TMOD3: variants seen among roughly 807,000 people sequenced by gnomAD.
TMOD3 encodes the protein tropomodulin 3.
TMOD3 carries 20 observed loss-of-function variants against 39.2 expected under a neutral mutation model. The ratio of observed to expected loss-of-function variants is 0.51; its 90% CI spans 0.36 to 0.74. TMOD3 has a LOEUF of 0.74. TMOD3 is among the 30% of genes least tolerant of loss of function. The pLI is 0.00. For missense variants in TMOD3, 381 were observed against 412.8 expected (o/e 0.92, Z 0.67); for synonymous variants, 143 against 145.8 (o/e 0.98, Z 0.14).
rs1395020651 is a variant in TMOD3 at position 51,915,721 on chromosome 15, G to A, written c.*6911G>A. On this transcript the variant is annotated 3_prime_UTR_variant, in exon 10 of 10. Transcript: ENST00000308580. ...TTCAATAAAGTTTATCAAATATTCT[G>A]TAAACTTGGACTTTTTGAAAAAGCA... 1.3e-5 allele frequency: 2 copies of A among 151,336 alleles called. No homozygotes were observed. Among genetic ancestry groups the A allele is most frequent in the Non-Finnish European group, 2.9e-5 (2 of 68,008 alleles). 9.4% of individuals were successfully genotyped at this position (151,336 alleles called of 1,614,324 possible). A position where few individuals can be genotyped will look rare whatever the true frequency, so the allele number is the denominator to read the frequency against.
At chr15:51,907,287 T>C (rs1438143913) in intron 9 of TMOD3, 1 of 152,154 alleles carries the variant, frequency 6.6e-6, no homozygotes, top group Non-Finnish European at 1.5e-5. Context: ...CAGACATTCA[T>C]GAAGCAATCC....
chr15:51,831,655 C>G (rs2056255702), intron 1 of TMOD3, among the ~76,000 whole-genome samples: 1 of 152,180 alleles, frequency 6.6e-6, no homozygotes, highest in Non-Finnish European at 1.5e-5. Context: ...ATACTGTAGT[C>G]CTATGAACTC....
intron 5 of TMOD3, among the ~76,000 whole-genome samples, chr15:51,891,393 C>A (rs1241365596): frequency 6.6e-6 from 1 of 151,920 alleles, no homozygotes; most frequent in African/African-American, 2.4e-5. Flanking sequence ...ACTGTTAGTT[C>A]TAGTGGCTTG....
intron 1 of TMOD3, among the ~76,000 whole-genome samples, chr15:51,854,512 C>T (rs1418863680): frequency 6.6e-6 from 1 of 152,204 alleles, no homozygotes; most frequent in Non-Finnish European, 1.5e-5. Flanking sequence ...AACTCATAGA[C>T]TATCTCTCTG....
chr15:51,837,769 T>A (rs1301538858), intron 1 of TMOD3, among the ~76,000 whole-genome samples: 1 of 152,198 alleles, frequency 6.6e-6, no homozygotes. Context: ...GTCATCTCAC[T>A]TCCTGCTTTC....
chr15:51,903,035 C>T (rs919271316), intron 9 of TMOD3, among the ~76,000 whole-genome samples: 6 of 152,150 alleles, frequency 3.9e-5, no homozygotes, highest in African/African-American at 7.2e-5. Context: ...CCACCCGCCT[C>T]GGCCTCCCAA....
chr15:51,898,873 C>G lies in TMOD3; in HGVS notation c.736-1282C>G, dbSNP rs755976533. Reference sequence around the variant, plus strand: ...ACCTCTGTCTCTTTTTCTTTCCTTCCCAGTCTCCCTCCTCTTTCTTTTTTC... The same window carrying G: ...ACCTCTGTCTCTTTTTCTTTCCTTCGCAGTCTCCCTCCTCTTTCTTTTTTC... On this transcript the variant is annotated intron_variant, in intron 7 of 9. Coordinates refer to ENST00000308580, the MANE Select transcript of TMOD3 (RefSeq NM_014547.5). 1.8e-3 allele frequency: 272 copies of G among 152,174 alleles called. 3 individuals are homozygous for G. The highest frequency in any genetic ancestry group is 2.2e-4 in the Non-Finnish European group (15 of 68,018). The allele number at this position is 152,174 out of a possible 1,614,324, so 9.4% of individuals were successfully genotyped here.
chr15:51,906,868 A>G (rs2056684111), intron 9 of TMOD3, among the ~76,000 whole-genome samples: 2 of 152,048 alleles, frequency 1.3e-5, no homozygotes, highest in Admixed American at 6.6e-5. Context: ...AAAAAGTACA[A>G]AATTAGCCAG....
chr15:51,909,801 C>T lies in TMOD3; in HGVS notation c.*991C>T, dbSNP rs570241596. 7.9e-5 allele frequency: 12 copies of T among 152,274 alleles called. No individual in the cohort carries two copies. The South Asian group carries it at 1.7e-3, about 21-fold the overall frequency. The allele number at this position is 152,274 out of a possible 1,614,324, so 9.4% of individuals were successfully genotyped here. A position where few individuals can be genotyped will look rare whatever the true frequency, so the allele number is the denominator to read the frequency against. On this transcript the variant is annotated 3_prime_UTR_variant, in exon 10 of 10. Transcript: ENST00000308580. The stretch of plus-strand genomic sequence containing the variant: ...AAATTACTTGGTGTTACACCATATC[C>T]GAAGAAGTTCCTATGTGCAGTGCAG...
rs3985812 is a variant in TMOD3, at chr15:51,832,203, TTATATA to T, written c.-75+2391_-75+2396del. On this transcript the variant is annotated intron_variant, in intron 1 of 9. Transcript: ENST00000308580. Reference sequence around the variant, plus strand: ...TGTCTCTCTAAAAAAAGAAAAAAAATTATATATATATATATATATATATATATATGA... The same window carrying T: ...TGTCTCTCTAAAAAAAGAAAAAAAATTATATATATATATATATATATATGA... 8.3e-3 allele frequency among the ~76,000 whole-genome samples: 655 copies of T among 79,330 alleles called. 58 individuals carry two copies. The highest frequency in any genetic ancestry group is 0.014 in the East Asian group (42 of 2,944). The allele number at this position is 79,330 out of a possible 152,430, so 52.0% of individuals were successfully genotyped here. A position where few individuals can be genotyped will look rare whatever the true frequency, so the allele number is the denominator to read the frequency against.
At chr15:51,833,846 T>C (rs140820491) in intron 1 of TMOD3, among the ~76,000 whole-genome samples, 40 of 152,320 alleles carry the variant, frequency 2.6e-4, no homozygotes, top group African/African-American at 9.6e-4. Context: ...AGTCATAGGG[T>C]ATGTGTATGT....
At chr15:51,859,442 C>A (rs886625923) in intron 1 of TMOD3, 53 of 663,850 alleles carry the variant, frequency 8.0e-5, no homozygotes, top group Non-Finnish European at 1.2e-4. Flanking sequence ...GAATCATTTT[C>A]CTGAAAAAGT....
chr15:51,868,314 AC>A (rs60200199), intron 2 of TMOD3, among the ~76,000 whole-genome samples: 54,580 of 151,970 alleles, frequency 0.36, 10,286 homozygotes, highest in Middle Eastern at 0.43. Flanking sequence ...TTTAAAAAAA[AC>A]GTTTTAAGTT....
intron 3 of TMOD3, among the ~76,000 whole-genome samples, chr15:51,886,722 A>AGAGG (rs2056566429): frequency 6.6e-6 from 1 of 151,938 alleles, no homozygotes; most frequent in Admixed American, 6.6e-5. Flanking sequence ...GGAGAGAGGG[A>AGAGG]GAGGGAGAGG....
intron 4 of TMOD3, 116 bp downstream of exon 4, chr15:51,887,827 A>C (rs567908097): frequency 7.7e-7 from 1 of 1,298,722 alleles, no homozygotes; most frequent in South Asian, 1.4e-5. Flanking sequence ...CTGTTAAATC[A>C]GTAACCACAT....
intron 1 of TMOD3, among the ~76,000 whole-genome samples, chr15:51,836,506 C>G (rs1372094807): frequency 6.6e-6 from 1 of 152,070 alleles, no homozygotes. Context: ...GCGGGTGGAT[C>G]ACGAGGTCAG....
intron 1 of TMOD3, among the ~76,000 whole-genome samples, chr15:51,839,034 A>G (rs1299481195): frequency 6.6e-6 from 1 of 152,224 alleles, no homozygotes; most frequent in Non-Finnish European, 1.5e-5. Context: ...GTCCCCCCAC[A>G]CAAGGAGGTT....
intron 3 of TMOD3, among the ~76,000 whole-genome samples, chr15:51,884,024 A>G (rs1177957336): frequency 6.6e-6 from 1 of 152,234 alleles, no homozygotes; most frequent in African/African-American, 2.4e-5. Flanking sequence ...AAAATTTGAT[A>G]CTAAGATCGA....
intron 6 of TMOD3, among the ~76,000 whole-genome samples, chr15:51,895,183 C>T (rs2056614308): frequency 6.6e-6 from 1 of 151,218 alleles, no homozygotes; most frequent in South Asian, 2.1e-4. Context: ...AGGAAAGCCT[C>T]AGAGAAAGCT....
Sources: allele counts gnomAD v4.1 joint callset (sites outside exome capture counted in the v4.1 genomes callset), GRCh38; gene constraint gnomAD v4.1.1; transcripts MANE v1.5; gene names NCBI Gene and HGNC (gene_info 2026-07-23, HGNC 2026-07-21).